The following CALN1 variants were observed in gnomAD, a reference collection of about 807,000 sequenced individuals.
CALN1 encodes calcium-binding protein 8.
CALN1 carries 17 observed loss-of-function variants against 30.6 expected under a neutral mutation model. The observed-to-expected ratio is 0.56, with a 90% confidence interval of 0.38 to 0.83. The LOEUF (loss-of-function observed/expected upper bound fraction) is 0.83. Among genes scored for constraint, CALN1 ranks in the 40% least tolerant of loss-of-function variants. CALN1 has a pLI of 0.00. For missense variants in CALN1, 291 were observed against 354.9 expected (o/e 0.82, Z 1.45); for synonymous variants, 156 against 131.4 (o/e 1.19, Z -1.28).
chr7:72,180,171 T>A (rs1243531164), intron 3 of CALN1, among the ~76,000 whole-genome samples: 1 of 152,200 alleles, frequency 6.6e-6, no homozygotes, highest in Non-Finnish European at 1.5e-5. Flanking sequence ...TGTTCCTCTG[T>A]CCCTCATATT....
intron 5 of CALN1, among the ~76,000 whole-genome samples, chr7:72,012,363 A>C (rs1584741890): frequency 6.6e-6 from 1 of 152,080 alleles, no homozygotes; most frequent in Non-Finnish European, 1.5e-5. Flanking sequence ...AAATACAAAA[A>C]TTAGCTGGGT....
intron 5 of CALN1, among the ~76,000 whole-genome samples, chr7:71,851,678 C>CA (rs1199816423): frequency 6.6e-6 from 1 of 151,764 alleles, no homozygotes; most frequent in Non-Finnish European, 1.5e-5. Context: ...AGGAGGGAAA[C>CA]AGAGAGAAAA....
intron 3 of CALN1, among the ~76,000 whole-genome samples, chr7:72,198,593 A>C (rs1460646791): frequency 1.3e-5 from 2 of 150,064 alleles, no homozygotes; most frequent in Non-Finnish European, 3.0e-5. Context: ...ACCACCCCCC[A>C]CCCTTTAAAA....
chr7:71,915,752 CA>C (rs35199448), intron 5 of CALN1, among the ~76,000 whole-genome samples: 72,711 of 149,826 alleles, frequency 0.49, 17,928 homozygotes, highest in African/African-American at 0.55. Flanking sequence ...ACCAACCAAA[CA>C]AAAAAAAAAC....
chr7:72,234,500 G>A (rs1383560343), intron 3 of CALN1, among the ~76,000 whole-genome samples: 1 of 151,998 alleles, frequency 6.6e-6, no homozygotes, highest in Non-Finnish European at 1.5e-5. Context: ...AGGCTGGAAT[G>A]CCATGGCGCG....
the CALN1 span, among the ~76,000 whole-genome samples, chr7:72,476,778 G>A: frequency 6.6e-6 from 1 of 152,238 alleles, no homozygotes; most frequent in Non-Finnish European, 1.5e-5. Context: ...ACTGTACAAG[G>A]TGCTGGAGGG....
chr7:72,151,548 A>G (rs1340675118), intron 3 of CALN1, among the ~76,000 whole-genome samples: 1 of 152,180 alleles, frequency 6.6e-6, no homozygotes, highest in Non-Finnish European at 1.5e-5. Context: ...CCCACACGTC[A>G]CATTCAGGAG....
intron 5 of CALN1, among the ~76,000 whole-genome samples, chr7:71,883,080 C>G (rs989016656): frequency 2.0e-5 from 3 of 152,080 alleles, no homozygotes; most frequent in African/African-American, 7.2e-5. Context: ...TGCATTTTCC[C>G]TCTATCACAT....
chr7:72,501,561 G>A, the CALN1 span, among the ~76,000 whole-genome samples: 1 of 99,242 alleles, frequency 1.0e-5, no homozygotes, highest in Non-Finnish European at 2.1e-5. Context: ...GGGAGGGAGG[G>A]AAGAGAAGAA....
At chr7:72,085,946 T>TA (rs1459845244) in intron 4 of CALN1, among the ~76,000 whole-genome samples, 10 of 152,172 alleles carry the variant, frequency 6.6e-5, no homozygotes, top group Admixed American at 6.5e-4. Flanking sequence ...AAGACAGTGA[T>TA]ATAATTCTCT....
In CALN1 at chr7:71,818,257, A is replaced by G. The variant is rs1373475818; in HGVS notation, c.502-7765T>C. Among the ~76,000 whole-genome samples, 3 of 152,010 alleles carry G rather than the reference A, an allele frequency of 2.0e-5. No individual in the cohort carries two copies. In the East Asian group the frequency reaches 5.8e-4, roughly 29 times the overall value. On this transcript the variant is annotated intron_variant, in intron 5 of 6. Coordinates refer to ENST00000395275, the MANE Select transcript of CALN1 (RefSeq NM_031468.4). ...ACTATCAAAGACCTAAAGGAAAAAG[A>G]GGCTGACTTTGCCAGGTGAGTGAGG...
intron 1 of CALN1, among the ~76,000 whole-genome samples, chr7:72,435,124 A>G (rs967761882): frequency 6.6e-6 from 1 of 152,088 alleles, no homozygotes; most frequent in African/African-American, 2.4e-5. Flanking sequence ...AGTCCTAGCT[A>G]TTCAGAAGGC....
chr7:72,466,503 GGA>G, the CALN1 span, among the ~76,000 whole-genome samples: 7 of 152,130 alleles, frequency 4.6e-5, no homozygotes, highest in Non-Finnish European at 7.4e-5. Context: ...CAGCACTTTG[GGA>G]GGCTGAGGAG....
chr7:72,332,960 G>A (rs774871095), intron 2 of CALN1, among the ~76,000 whole-genome samples: 11 of 152,148 alleles, frequency 7.2e-5, no homozygotes, highest in South Asian at 2.1e-4. Flanking sequence ...CCATCCTAAC[G>A]GAGAAATGCT....
At chr7:72,001,548 TG>T (rs1427135609) in intron 5 of CALN1, among the ~76,000 whole-genome samples, 1 of 152,178 alleles carries the variant, frequency 6.6e-6, no homozygotes, top group East Asian at 1.9e-4. Context: ...CACAAGACCC[TG>T]GAAGTATGCC....
chr7:72,271,575 A>AAAAAAATATATATATATATAT lies in CALN1; in HGVS notation c.244+7110_244+7111insATATATATATATATATTTTTT. Among the ~76,000 whole-genome samples the AAAAAAATATATATATATATAT allele has an allele frequency of 8.6e-3, 446 of 52,024 alleles. 15 individuals carry two copies. Among genetic ancestry groups the AAAAAAATATATATATATATAT allele is most frequent in the Non-Finnish European group, 0.012 (379 of 32,304 alleles). 34.1% of individuals were successfully genotyped at this position (52,024 alleles called of 152,430 possible). A position where few individuals can be genotyped will look rare whatever the true frequency, so the allele number is the denominator to read the frequency against. On this transcript the variant is annotated intron_variant, in intron 3 of 6. Transcript: ENST00000395275. ...CTGTGCCTGCCTTTTAAAAAAAAAA[A>AAAAAAATATATATATATATAT]ATATATATATATATATATAGTTTTC... is the stretch of plus-strand genomic sequence containing the variant.
Position 71,784,082 on chromosome 7 carries a change from T to C in CALN1, c.*3693A>G, listed in dbSNP as rs1434636950. ...ATACTTTTAAAGATTGGAGGCTTAA[T>C]ATCTTGTTTGCCTTCCAAGATGATA... is the stretch of plus-strand genomic sequence containing the variant. On this transcript the variant is annotated 3_prime_UTR_variant, in exon 7 of 7. Coordinates refer to ENST00000395275, the MANE Select transcript of CALN1 (RefSeq NM_031468.4). 1 of 152,214 alleles carries C rather than the reference T, an allele frequency of 6.6e-6. No individual in the cohort carries two copies. Among genetic ancestry groups the C allele is most frequent in the Admixed American group, 6.5e-5 (1 of 15,282 alleles). 9.4% of individuals were successfully genotyped at this position (152,214 alleles called of 1,614,324 possible). A position where few individuals can be genotyped will look rare whatever the true frequency, so the allele number is the denominator to read the frequency against.
At chr7:71,906,584 C>T (rs891624981) in intron 5 of CALN1, among the ~76,000 whole-genome samples, 16 of 152,116 alleles carry the variant, frequency 1.1e-4, no homozygotes, top group Admixed American at 2.6e-4. Context: ...TGGGTATCAC[C>T]GATGGTGGTA....
chr7:72,304,242 G>T lies in CALN1; in HGVS notation c.120-25432C>A, dbSNP rs1016037056. ...GATTGGAAAAATAAAAATGTGACTG[G>T]CAGAGACTGGGATGGGAAAGGGGAA... is the stretch of plus-strand genomic sequence containing the variant. On this transcript the variant is annotated intron_variant, in intron 2 of 6. Transcript: ENST00000395275. 2.6e-5 allele frequency among the ~76,000 whole-genome samples: 4 copies of T among 152,356 alleles called. 1 individual carries two copies. Among genetic ancestry groups the T allele is most frequent in the Non-Finnish European group, 1.5e-5 (1 of 68,036 alleles).
Sources: allele counts gnomAD v4.1 joint callset (sites outside exome capture counted in the v4.1 genomes callset), GRCh38; gene constraint gnomAD v4.1.1; transcripts MANE v1.5; gene names NCBI Gene and HGNC (gene_info 2026-07-23, HGNC 2026-07-21).